The following GC variants were observed in gnomAD, a reference collection of about 807,000 sequenced individuals.
The protein encoded by GC is vitamin D-binding protein.
Under a neutral mutation model 56.7 loss-of-function variants are expected in GC, and 43 were observed. The observed-to-expected ratio is 0.76, with a 90% CI of 0.59 to 0.98. The LOEUF (loss-of-function observed/expected upper bound fraction) is 0.98, where lower values mean the gene tolerates loss of function less well. GC is among the 50% of genes least tolerant of loss of function. The probability of loss-of-function intolerance (pLI) is 0.00; values close to 1 mark genes in which losing one functional copy is unlikely to be tolerated. For synonymous variants in GC, 216 were observed against 202.7 expected (o/e 1.07, Z -0.56); for missense variants, 529 against 545.9 (o/e 0.97, Z 0.31).
At chr4:71,745,359 A>C (rs1741333171) in intron 12 of GC, among the ~76,000 whole-genome samples, 1 of 152,204 alleles carries the variant, frequency 6.6e-6, no homozygotes, top group Non-Finnish European at 1.5e-5. Context: ...AATAGTTGAA[A>C]AGCTGAATAT....
intron 11 of GC, among the ~76,000 whole-genome samples, chr4:71,750,830 A>G (rs1741527973): frequency 6.6e-6 from 1 of 152,170 alleles, no homozygotes; most frequent in South Asian, 2.1e-4. Context: ...GTTTTCAGTG[A>G]GCCAAGATCT....
At chr4:71,761,178 G>T (rs910853392) in intron 6 of GC, among the ~76,000 whole-genome samples, 1 of 152,148 alleles carries the variant, frequency 6.6e-6, no homozygotes, top group Non-Finnish European at 1.5e-5. Context: ...GGACAATAAG[G>T]TCCAGGCTAA....
intron 5 of GC, 62 bp from the exon 6 acceptor site, chr4:71,763,564 G>A (rs931848148): frequency 2.1e-6 from 2 of 941,920 alleles, no homozygotes; most frequent in African/African-American, 3.3e-5. Flanking sequence ...TGTATAAATG[G>A]CAAAAATAGG....
chr4:71,746,228 A>G (rs1741359359), intron 11 of GC, 23 bp from the exon 12 acceptor site: 2 of 1,103,974 alleles, frequency 1.8e-6, no homozygotes, highest in African/African-American at 1.6e-5. Context: ...AAAGAATGTT[A>G]TATAACTTAT....
chr4:71,805,284 T>C (rs1743338172), upstream of GC, among the ~76,000 whole-genome samples: 1 of 152,212 alleles, frequency 6.6e-6, no homozygotes, highest in Non-Finnish European at 1.5e-5. Context: ...GAAAATTCCC[T>C]CAAACTTGGA....
chr4:71,795,396 C>A (rs1046813632), intron 1 of GC, among the ~76,000 whole-genome samples: 3 of 152,152 alleles, frequency 2.0e-5, no homozygotes, highest in Non-Finnish European at 4.4e-5. Context: ...TGAGTTAATA[C>A]CTTTACCATT....
chr4:71,746,343 G>GT (rs1453762443), intron 11 of GC, 138 bp from the exon 12 acceptor site: 1 of 526,350 alleles, frequency 1.9e-6, no homozygotes, highest in East Asian at 3.0e-5. Flanking sequence ...TTACATTGCA[G>GT]TTTTTTATTA....
upstream of GC, among the ~76,000 whole-genome samples, chr4:71,785,712 T>A (rs1044641257): frequency 2.0e-5 from 3 of 151,786 alleles, no homozygotes; most frequent in Admixed American, 6.6e-5. Context: ...AATTTTCAGT[T>A]CCCTTTGGCT....
chr4:71,791,310 AT>A (rs1321528985), intron 1 of GC, among the ~76,000 whole-genome samples: 7 of 152,026 alleles, frequency 4.6e-5, no homozygotes, highest in African/African-American at 1.7e-4. Context: ...ATTTTTCATT[AT>A]CTTCTGATAA....
At chr4:71,783,364 ACAC>A (rs1742746813) in intron 1 of GC, among the ~76,000 whole-genome samples, 1 of 151,812 alleles carries the variant, frequency 6.6e-6, no homozygotes, top group African/African-American at 2.4e-5. Context: ...AAAGATGAAC[ACAC>A]CATCTGAAGA....
intron 6 of GC, 27 bp from the exon 7 acceptor site, chr4:71,758,198 G>A: frequency 6.3e-7 from 1 of 1,594,756 alleles, no homozygotes; most frequent in Non-Finnish European, 8.6e-7. Context: ...AAATATGTTA[G>A]CTTATCAACA....
chr4:71,791,015 A>G (rs1466316711), intron 1 of GC, among the ~76,000 whole-genome samples: 1 of 152,040 alleles, frequency 6.6e-6, no homozygotes, highest in Non-Finnish European at 1.5e-5. Flanking sequence ...GAAGACATTT[A>G]TGCAGCCAAA....
chr4:71,762,293 C>T (rs1742005630), intron 6 of GC, among the ~76,000 whole-genome samples: 1 of 152,182 alleles, frequency 6.6e-6, no homozygotes, highest in Admixed American at 6.6e-5. Flanking sequence ...GGGCCTGTAG[C>T]CCCTTTGTTT....
intron 1 of GC, among the ~76,000 whole-genome samples, chr4:71,793,748 A>G (rs1190605705): frequency 6.6e-6 from 1 of 152,146 alleles, no homozygotes; most frequent in Non-Finnish European, 1.5e-5. Flanking sequence ...TTCAAAGGGA[A>G]GGCTTCTGGT....
intron 1 of GC, among the ~76,000 whole-genome samples, chr4:71,789,762 T>A (rs1326725914): frequency 6.6e-6 from 1 of 151,842 alleles, no homozygotes; most frequent in Non-Finnish European, 1.5e-5. Flanking sequence ...TTTCCTGGAT[T>A]ATTAGGGTGG....
In GC at chr4:71,756,720, G is replaced by A. The variant is rs1433282564; in HGVS notation, c.1026C>T (p.Val342=). 1 of 1,609,664 alleles carries A rather than the reference G, an allele frequency of 6.2e-7. No individual in the cohort carries two copies. Among genetic ancestry groups the A allele is most frequent in the East Asian group, 2.2e-5 (1 of 44,864 alleles). The change falls in exon 8 of 13, where the codon GTC becomes GTT. Residue 342 remains valine (V), a synonymous_variant. Coordinates refer to ENST00000273951, the MANE Select transcript of GC (RefSeq NM_000583.4). ...ACATCACCTCTACTTACTTATCCAT[G>A]ACTTTGGTGTTTCCTGGATCACACA... ...KDVCDPGNTK[V]MDKYTFELSR...
In GC at chr4:71,769,183, C is replaced by T. The variant is rs80324156; in HGVS notation, c.128+148G>A. 838 of 598,360 alleles carry T rather than the reference C, an allele frequency of 1.4e-3. 8 individuals are homozygous for T. The African/African-American group carries it at 0.014, about 10-fold the overall frequency. 37.1% of individuals were successfully genotyped at this position (598,360 alleles called of 1,614,324 possible). On this transcript the variant is annotated intron_variant, in intron 2 of 12. Coordinates refer to ENST00000273951, the MANE Select transcript of GC (RefSeq NM_000583.4). ...CTCTGGATGTCCTTAATTTGCTTGA[C>T]TCCTGTGCCTACCTTGGGCCTGGGG...
intron 1 of GC, among the ~76,000 whole-genome samples, chr4:71,795,420 G>A (rs1355220829): frequency 6.6e-6 from 1 of 152,072 alleles, no homozygotes; most frequent in Non-Finnish European, 1.5e-5. Flanking sequence ...TAATGGCCTT[G>A]TTTGTCTCTT....
At chr4:71,747,617 C>T (rs1282803212) in intron 11 of GC, among the ~76,000 whole-genome samples, 1 of 152,010 alleles carries the variant, frequency 6.6e-6, no homozygotes, top group African/African-American at 2.4e-5. Context: ...CCTTTGTTGA[C>T]AGTCATATGG....
Sources: allele counts gnomAD v4.1 joint callset (sites outside exome capture counted in the v4.1 genomes callset), GRCh38; gene constraint gnomAD v4.1.1; transcripts MANE v1.5; gene names NCBI Gene and HGNC (gene_info 2026-07-23, HGNC 2026-07-21).